The following LIPC variants were observed in gnomAD, a reference collection of about 807,000 sequenced individuals.
LIPC encodes lipase C, hepatic type.
LIPC carries 44 observed loss-of-function variants against 50.7 expected under a neutral mutation model. That is an observed-to-expected ratio of 0.87 (90% CI 0.68 to 1.11). LIPC has a LOEUF of 1.11. Among genes scored for constraint, LIPC ranks in the 50% most tolerant of loss-of-function variants. The pLI is 0.00. For missense variants in LIPC, 697 were observed against 648.2 expected (o/e 1.08, Z -0.82); for synonymous variants, 271 against 256.4 (o/e 1.06, Z -0.54).
At chr15:58,519,321 G>A (rs1278105368) in intron 1 of LIPC, among the ~76,000 whole-genome samples, 1 of 150,792 alleles carries the variant, frequency 6.6e-6, no homozygotes, top group Non-Finnish European at 1.5e-5. Flanking sequence ...CAAAGCAGGA[G>A]AATGGCGTGA....
At chr15:58,525,816 C>G (rs1342908944) in intron 1 of LIPC, among the ~76,000 whole-genome samples, 2 of 152,200 alleles carry the variant, frequency 1.3e-5, no homozygotes, top group African/African-American at 4.8e-5. Flanking sequence ...TGTTACTGAT[C>G]AGGTGCAGAA....
chr15:58,502,528 T>C (rs1892020930), intron 1 of LIPC, among the ~76,000 whole-genome samples: 2 of 151,110 alleles, frequency 1.3e-5, no homozygotes, highest in Non-Finnish European at 3.0e-5. Flanking sequence ...TTTTTGTTTG[T>C]TTTTATGAAA....
intron 1 of LIPC, among the ~76,000 whole-genome samples, chr15:58,450,086 C>T (rs571990329): frequency 6.6e-6 from 1 of 152,316 alleles, no homozygotes; most frequent in African/African-American, 2.4e-5. Context: ...GGTGACACCA[C>T]TCATATATGA....
At chr15:58,548,227 G>T in intron 5 of LIPC, 103 bp from the exon 6 acceptor site, 1 of 1,501,618 alleles carries the variant, frequency 6.7e-7, no homozygotes, top group Non-Finnish European at 9.3e-7. Flanking sequence ...CCTGTTCTGT[G>T]TGCTACTGCT....
chr15:58,457,642 G>T (rs747875016), intron 1 of LIPC, among the ~76,000 whole-genome samples: 1 of 152,122 alleles, frequency 6.6e-6, no homozygotes, highest in Non-Finnish European at 1.5e-5. Flanking sequence ...GACTCAGGCC[G>T]CATCATTTTG....
intron 1 of LIPC, among the ~76,000 whole-genome samples, chr15:58,462,932 C>A (rs1371792659): frequency 1.3e-5 from 2 of 152,224 alleles, no homozygotes; most frequent in Non-Finnish European, 2.9e-5. Flanking sequence ...TAGCACTGCA[C>A]AGGCTGTGGA....
chr15:58,507,492 C>G (rs1456061335), intron 1 of LIPC, among the ~76,000 whole-genome samples: 2 of 152,184 alleles, frequency 1.3e-5, no homozygotes, highest in African/African-American at 4.8e-5. Context: ...TGAATTATTT[C>G]TTTGAATCAA....
intron 6 of LIPC, among the ~76,000 whole-genome samples, chr15:58,558,263 G>A (rs949775189): frequency 9.2e-6 from 1 of 108,520 alleles, no homozygotes; most frequent in Non-Finnish European, 2.0e-5. Flanking sequence ...AGTAGAGACG[G>A]GGTTTCACCA....
intron 1 of LIPC, among the ~76,000 whole-genome samples, chr15:58,523,849 C>T (rs1297783782): frequency 6.6e-6 from 1 of 151,628 alleles, no homozygotes; most frequent in Non-Finnish European, 1.5e-5. Flanking sequence ...GAGGGAGGAT[C>T]GCTTGAGCCC....
At chr15:58,564,004 C>T (rs1352229557) in intron 8 of LIPC, 3 of 459,442 alleles carry the variant, frequency 6.5e-6, no homozygotes, top group Non-Finnish European at 8.1e-6. Context: ...TCACACGAAC[C>T]CCAGGCTTCT....
intron 1 of LIPC, among the ~76,000 whole-genome samples, chr15:58,488,285 T>C (rs918302259): frequency 6.6e-6 from 1 of 152,192 alleles, no homozygotes; most frequent in African/African-American, 2.4e-5. Flanking sequence ...AGTTAAGAAG[T>C]TAGACTGCTC....
chr15:58,469,201 C>T (rs1301666900), intron 1 of LIPC, among the ~76,000 whole-genome samples: 3 of 150,592 alleles, frequency 2.0e-5, no homozygotes, highest in African/African-American at 4.9e-5. Flanking sequence ...GTGGCATGAT[C>T]GTAGTTTACT....
At chr15:58,483,094 G>A (rs1223934307) in intron 1 of LIPC, among the ~76,000 whole-genome samples, 2 of 152,128 alleles carry the variant, frequency 1.3e-5, no homozygotes, top group South Asian at 2.1e-4. Flanking sequence ...AATGACATGG[G>A]TATAGAACAC....
Position 58,506,757 on chromosome 15 carries a change from C to T in LIPC, c.89-31576C>T, listed in dbSNP as rs192206223. 1.1e-3 allele frequency among the ~76,000 whole-genome samples: 163 copies of T among 152,294 alleles called. 1 individual carries two copies. The highest frequency in any genetic ancestry group is 3.8e-3 in the African/African-American group (157 of 41,562). ...TGGCTCCCTCTGCCCCCCACCCTGA[C>T]GTGGGGGAAGATGCTACAGGTGTGG... is the stretch of plus-strand genomic sequence containing the variant. On this transcript the variant is annotated intron_variant, in intron 1 of 8. Transcript: ENST00000299022.
chr15:58,482,418 GA>G (rs34905606), intron 1 of LIPC, among the ~76,000 whole-genome samples: 72,242 of 152,018 alleles, frequency 0.48, 17,220 homozygotes, highest in Admixed American at 0.52. Flanking sequence ...ATGGAGTGGT[GA>G]AAAAGAGTTC....
intron 2 of LIPC, among the ~76,000 whole-genome samples, chr15:58,540,106 T>C (rs1475056959): frequency 6.6e-6 from 1 of 152,214 alleles, no homozygotes; most frequent in Non-Finnish European, 1.5e-5. Flanking sequence ...CCACTATCCA[T>C]TATGTAATCA....
Position 58,499,438 on chromosome 15 carries a change from G to T in LIPC, c.89-38895G>T, listed in dbSNP as rs28690529. Among the ~76,000 whole-genome samples the T allele has an allele frequency of 3.3e-3, 504 of 152,344 alleles. 4 individuals are homozygous for T. Among genetic ancestry groups the T allele is most frequent in the African/African-American group, 0.011 (474 of 41,570 alleles). The stretch of plus-strand genomic sequence containing the variant: ...CTAAACTAGGATTCTTTAGGAATGA[G>T]TATGTAACAGGAAAGGGAAGATCTG... On this transcript the variant is annotated intron_variant, in intron 1 of 8. Coordinates refer to ENST00000299022, the MANE Select transcript of LIPC (RefSeq NM_000236.3).
chr15:58,437,912 G>A (rs1893362936), intron 1 of LIPC, among the ~76,000 whole-genome samples: 2 of 152,168 alleles, frequency 1.3e-5, no homozygotes, highest in South Asian at 4.1e-4. Flanking sequence ...GAGCAGGTCT[G>A]TGGTCCTGCT....
intron 1 of LIPC, among the ~76,000 whole-genome samples, chr15:58,477,586 T>A (rs1292287209): frequency 2.0e-5 from 3 of 152,182 alleles, no homozygotes; most frequent in African/African-American, 7.2e-5. Flanking sequence ...AGAAAATAAT[T>A]GGAGCGCTTC....
Sources: allele counts gnomAD v4.1 joint callset (sites outside exome capture counted in the v4.1 genomes callset), GRCh38; gene constraint gnomAD v4.1.1; transcripts MANE v1.5; gene names NCBI Gene and HGNC (gene_info 2026-07-23, HGNC 2026-07-21).